MGLL: variants seen among roughly 807,000 people sequenced by gnomAD.
MGLL encodes monoglyceride lipase.
MGLL carries 7 observed loss-of-function variants against 29.1 expected under a neutral mutation model. The observed-to-expected ratio is 0.24, with a 90% CI of 0.14 to 0.45. The LOEUF (loss-of-function observed/expected upper bound fraction) is 0.45. MGLL is among the 20% of genes least tolerant of loss of function. The pLI is 0.99. For missense variants in MGLL, 356 were observed against 413.6 expected (o/e 0.86, Z 1.21); for synonymous variants, 148 against 168.3 (o/e 0.88, Z 0.93).
At chr3:127,754,692 T>C (rs1441341433) in intron 3 of MGLL, among the ~76,000 whole-genome samples, 1 of 152,146 alleles carries the variant, frequency 6.6e-6, no homozygotes, top group Non-Finnish European at 1.5e-5. Context: ...GGCAGGAGGA[T>C]GGGTTTTCCT....
chr3:127,742,589 C>CAA (rs60743176), intron 3 of MGLL, among the ~76,000 whole-genome samples: 2,667 of 69,904 alleles, frequency 0.038, 60 homozygotes, highest in African/African-American at 0.07. Context: ...GACTCCGTCC[C>CAA]AAAAAAAAAA....
chr3:127,797,415 A>C (rs1026240575), intron 2 of MGLL, among the ~76,000 whole-genome samples: 19 of 152,102 alleles, frequency 1.2e-4, no homozygotes, highest in Non-Finnish European at 1.0e-4. Context: ...CTTGCTCCGC[A>C]TGCAGCCTAT....
intron 3 of MGLL, among the ~76,000 whole-genome samples, chr3:127,752,158 C>T (rs184006387): frequency 3.4e-4 from 51 of 151,864 alleles, no homozygotes; most frequent in Admixed American, 7.9e-4. Context: ...GGTGCAATGG[C>T]CAGTGTCGGC....
intron 3 of MGLL, chr3:127,736,450 G>A: frequency 1.4e-6 from 1 of 697,000 alleles, no homozygotes; most frequent in Non-Finnish European, 1.8e-6. Context: ...GAACACGTGA[G>A]AAATGGCTCC....
At chr3:127,790,728 A>C (rs933066866) in intron 2 of MGLL, among the ~76,000 whole-genome samples, 10 of 152,118 alleles carry the variant, frequency 6.6e-5, no homozygotes, top group African/African-American at 2.4e-5. Context: ...TTTTCCCGTT[A>C]GCACAGCCTG....
At chr3:127,789,041 G>C (rs1200492321) in intron 2 of MGLL, among the ~76,000 whole-genome samples, 1 of 152,154 alleles carries the variant, frequency 6.6e-6, no homozygotes, top group African/African-American at 2.4e-5. Flanking sequence ...GAGGCTTCTT[G>C]TGCTTGCAGC....
At chr3:127,706,227 C>T (rs2075599622) in intron 6 of MGLL, among the ~76,000 whole-genome samples, 1 of 152,214 alleles carries the variant, frequency 6.6e-6, no homozygotes, top group African/African-American at 2.4e-5. Context: ...GGAAGCCCAA[C>T]TGAGCCCACA....
intron 2 of MGLL, among the ~76,000 whole-genome samples, chr3:127,804,946 A>G (rs2077540301): frequency 6.6e-6 from 1 of 152,120 alleles, no homozygotes; most frequent in Non-Finnish European, 1.5e-5. Flanking sequence ...CACAGAGTCC[A>G]TGGGGGTCTT....
In MGLL at chr3:127,704,030, CAT is replaced by C. The variant is rs1479274370; in HGVS notation, c.600+6544_600+6545del. On this transcript the variant is annotated intron_variant, in intron 6 of 7. Coordinates refer to ENST00000265052, the MANE Select transcript of MGLL (RefSeq NM_007283.7). ...AGCATGGCACTGGTACACAAACAGACATATAACCAATGGAACAGAATGGAGAT... is the reference window on the plus strand; with the variant it reads ...AGCATGGCACTGGTACACAAACAGACATAACCAATGGAACAGAATGGAGAT... Among the ~76,000 whole-genome samples, 15 of 152,258 alleles carry C rather than the reference CAT, an allele frequency of 9.9e-5. 1 individual carries two copies. The South Asian group carries it at 2.9e-3, about 29-fold the overall frequency.
At chr3:127,807,750 C>CTTTTTTTTTTT (rs35444871) in intron 2 of MGLL, among the ~76,000 whole-genome samples, 1 of 59,464 alleles carries the variant, frequency 1.7e-5, no homozygotes, top group African/African-American at 7.0e-5. Context: ...TGTGAAAAGT[C>CTTTTTTTTTTT]TTTTTTTTTT....
chr3:127,756,221 C>T (rs1169489203), intron 3 of MGLL, among the ~76,000 whole-genome samples: 1 of 152,140 alleles, frequency 6.6e-6, no homozygotes, highest in Non-Finnish European at 1.5e-5. Context: ...GCTGTTACTC[C>T]AAGTATTAAG....
At chr3:127,766,846 G>A (rs908836386) in intron 3 of MGLL, among the ~76,000 whole-genome samples, 3 of 152,160 alleles carry the variant, frequency 2.0e-5, no homozygotes, top group African/African-American at 7.2e-5. Context: ...TGAGGTGGGC[G>A]TATCACTTGA....
chr3:127,712,347 C>T (rs912263423), intron 5 of MGLL: 1 of 152,256 alleles, frequency 6.6e-6, no homozygotes, highest in African/African-American at 2.4e-5. Flanking sequence ...CCTAGGCCCG[C>T]ACAAGTGTGG....
At chr3:127,710,540 C>A (rs1326875187) in intron 6 of MGLL, 36 bp downstream of exon 6, 7 of 1,497,416 alleles carry the variant, frequency 4.7e-6, no homozygotes, top group Non-Finnish European at 6.4e-6. Flanking sequence ...GGGGCAGCCA[C>A]CCAAGCTACC....
In MGLL at chr3:127,773,730, GA is replaced by G. The variant is rs369817157; in HGVS notation, c.262+8058del. Among the ~76,000 whole-genome samples, 762 of 152,348 alleles carry G rather than the reference GA, an allele frequency of 5.0e-3. 6 individuals carry two copies. Among genetic ancestry groups the G allele is most frequent in the African/African-American group, 0.014 (587 of 41,578 alleles). On this transcript the variant is annotated intron_variant, in intron 3 of 7. Coordinates refer to ENST00000265052, the MANE Select transcript of MGLL (RefSeq NM_007283.7). ...GACTAGACTCAGCCTTCCATTTCTA[GA>G]GGGAGATGTCGTTACAAGGAGACTC...
At chr3:127,720,744 T>C (rs979572969) in intron 5 of MGLL, among the ~76,000 whole-genome samples, 7 of 152,258 alleles carry the variant, frequency 4.6e-5, no homozygotes, top group African/African-American at 7.2e-5. Flanking sequence ...GCCTTGAGTG[T>C]GACTTGTTAA....
intron 2 of MGLL, among the ~76,000 whole-genome samples, chr3:127,796,386 A>T (rs1402360192): frequency 1.3e-5 from 2 of 152,196 alleles, no homozygotes; most frequent in Non-Finnish European, 2.9e-5. Flanking sequence ...CTACTTAGAG[A>T]TTCAAGCCTT....
At chr3:127,745,827 C>T (rs2076431732) in intron 3 of MGLL, among the ~76,000 whole-genome samples, 1 of 152,288 alleles carries the variant, frequency 6.6e-6, no homozygotes, top group South Asian at 2.1e-4. Context: ...TCCCAGCCCC[C>T]ATACTGGTGT....
intron 2 of MGLL, among the ~76,000 whole-genome samples, chr3:127,815,245 C>T (rs1344434540): frequency 2.0e-5 from 3 of 152,208 alleles, no homozygotes; most frequent in Non-Finnish European, 4.4e-5. Flanking sequence ...ACAAATGACC[C>T]GCAGCTTGCG....
Sources: gnomAD v4.1 joint callset for allele counts (sites outside exome capture counted in the v4.1 genomes callset) on GRCh38, gnomAD v4.1.1 for gene constraint, MANE v1.5 for transcripts, NCBI Gene and HGNC (gene_info 2026-07-23, HGNC 2026-07-21) for gene names.